The following ANKRD30BL variants were observed in gnomAD, a reference collection of about 807,000 sequenced individuals.
ANKRD30BL encodes the protein ankyrin repeat domain 30B like, also known as putative ankyrin repeat domain-containing protein 30B-like.
A neutral mutation model predicts 18.4 loss-of-function variants in ANKRD30BL; 20 were observed. That is an observed-to-expected ratio of 1.09 (90% CI 0.77 to 1.58). The LOEUF (loss-of-function observed/expected upper bound fraction) is 1.58. ANKRD30BL is among the 40% of genes most tolerant of loss of function. The pLI is 0.00. For missense variants in ANKRD30BL, 224 were observed against 268.6 expected, an observed-to-expected ratio of 0.83 and a Z score of 1.16; for synonymous variants, 72 against 100.9, an observed-to-expected ratio of 0.71 and a Z score of 1.72.
intron 1 of ANKRD30BL, among the ~76,000 whole-genome samples, chr2:132,205,294 A>G (rs930318998): frequency 6.6e-6 from 1 of 152,030 alleles, no homozygotes; most frequent in Admixed American, 6.6e-5. Flanking sequence ...ACGTGAAAAA[A>G]CTAGGCAGCA....
At chr2:132,247,239 C>A (rs1371124398) in intron 1 of ANKRD30BL, among the ~76,000 whole-genome samples, 2 of 151,736 alleles carry the variant, frequency 1.3e-5, no homozygotes, top group South Asian at 2.1e-4. Flanking sequence ...TTTCATGGAG[C>A]AGTTTTGAAA....
intron 1 of ANKRD30BL, among the ~76,000 whole-genome samples, chr2:132,207,196 A>T (rs373108998): frequency 6.6e-6 from 1 of 151,498 alleles, no homozygotes; most frequent in Non-Finnish European, 1.5e-5. Flanking sequence ...GCCGCTTAAG[A>T]TCATAAATAA....
intron 4 of ANKRD30BL, among the ~76,000 whole-genome samples, chr2:132,151,726 T>C (rs191413994): frequency 3.7e-4 from 57 of 152,262 alleles, no homozygotes; most frequent in African/African-American, 1.3e-3. Context: ...TCTTTGTGGC[T>C]TGTAATTCAG....
chr2:132,223,635 T>C (rs201337156), intron 1 of ANKRD30BL, among the ~76,000 whole-genome samples: 6 of 151,944 alleles, frequency 3.9e-5, no homozygotes, highest in African/African-American at 1.5e-4. Context: ...ACATAAACAC[T>C]AGACAGAAGC....
At chr2:132,160,680 G>A (rs1213624322) in intron 1 of ANKRD30BL, among the ~76,000 whole-genome samples, 1 of 151,640 alleles carries the variant, frequency 6.6e-6, no homozygotes, top group African/African-American at 2.4e-5. Context: ...CACCCACCTC[G>A]GCCTCCCAAA....
At chr2:132,203,044 T>A (rs1679139222) in intron 1 of ANKRD30BL, among the ~76,000 whole-genome samples, 1 of 152,258 alleles carries the variant, frequency 6.6e-6, no homozygotes, top group African/African-American at 2.4e-5. Flanking sequence ...AAATAGCAGA[T>A]TCAATATCAA....
At chr2:132,194,138 G>A (rs1299155617) in intron 1 of ANKRD30BL, among the ~76,000 whole-genome samples, 6 of 151,102 alleles carry the variant, frequency 4.0e-5, no homozygotes, top group Non-Finnish European at 1.5e-5. Context: ...CCCCTCACAC[G>A]ACTGGGCATT....
intron 1 of ANKRD30BL, among the ~76,000 whole-genome samples, chr2:132,256,314 A>AG (rs1366640133): frequency 7.0e-5 from 1 of 14,252 alleles, no homozygotes; most frequent in African/African-American, 2.7e-4. Context: ...GGGTGGTGGG[A>AG]GGGGGGTGGT....
chr2:132,155,863 C>A (rs1490944169), intron 3 of ANKRD30BL: 9 of 147,738 alleles, frequency 6.1e-5, no homozygotes, highest in African/African-American at 2.3e-4. Context: ...CACACCACTG[C>A]ACTCCAGCCT....
chr2:132,214,548 T>C (rs1430837475), intron 1 of ANKRD30BL, among the ~76,000 whole-genome samples: 3 of 151,906 alleles, frequency 2.0e-5, no homozygotes, highest in South Asian at 2.1e-4. Context: ...CTTTGTGATA[T>C]GTGCATTCAT....
intron 1 of ANKRD30BL, among the ~76,000 whole-genome samples, chr2:132,216,750 C>G (rs1441629572): frequency 6.6e-6 from 1 of 152,004 alleles, no homozygotes; most frequent in African/African-American, 2.4e-5. Context: ...TCGGGTACAT[C>G]TTCACATAAA....
intron 1 of ANKRD30BL, among the ~76,000 whole-genome samples, chr2:132,206,535 A>G (rs1679215956): frequency 6.6e-6 from 1 of 152,174 alleles, no homozygotes; most frequent in Non-Finnish European, 1.5e-5. Context: ...TGAGAATTAT[A>G]ATAGTAAACT....
intron 1 of ANKRD30BL, among the ~76,000 whole-genome samples, chr2:132,204,078 G>A (rs1679162407): frequency 2.0e-5 from 3 of 152,214 alleles, no homozygotes; most frequent in African/African-American, 4.8e-5. Flanking sequence ...TTAAATAAGA[G>A]AAGATATAAA....
chr2:132,232,832 G>A (rs561624649), intron 1 of ANKRD30BL, among the ~76,000 whole-genome samples: 1 of 151,930 alleles, frequency 6.6e-6, no homozygotes, highest in African/African-American at 2.4e-5. Context: ...GAAATACAGA[G>A]AATGCCACAA....
chr2:132,195,556 TGA>T (rs1374895930), intron 1 of ANKRD30BL, among the ~76,000 whole-genome samples: 4 of 151,690 alleles, frequency 2.6e-5, no homozygotes, highest in Non-Finnish European at 5.9e-5. Flanking sequence ...CTTGGGAGGC[TGA>T]GATGGGTAAA....
intron 1 of ANKRD30BL, among the ~76,000 whole-genome samples, chr2:132,242,552 A>G (rs1221898602): frequency 6.6e-6 from 1 of 151,538 alleles, no homozygotes; most frequent in Admixed American, 6.6e-5. Flanking sequence ...TCCATTAAAA[A>G]CTAGACAGAA....
chr2:132,177,317 C>A (rs1373729326), intron 1 of ANKRD30BL, among the ~76,000 whole-genome samples: 1 of 152,124 alleles, frequency 6.6e-6, no homozygotes, highest in Non-Finnish European at 1.5e-5. Context: ...CCATGCCCAG[C>A]TAATTTTTGT....
At chr2:132,251,874 G>A (rs1680657739) in intron 1 of ANKRD30BL, among the ~76,000 whole-genome samples, 1 of 152,340 alleles carries the variant, frequency 6.6e-6, no homozygotes, top group South Asian at 2.1e-4. Flanking sequence ...AGCCTTTAAT[G>A]TGACGCCTGG....
rs552918108 is a variant in ANKRD30BL at position 132,188,181 on chromosome 2, G to C, written n.442-31035C>G. Among the ~76,000 whole-genome samples, 4 of 151,524 alleles carry C rather than the reference G, an allele frequency of 2.6e-5. No homozygotes were observed. The South Asian group carries it at 8.4e-4, about 32-fold the overall frequency. On this transcript the variant is annotated intron_variant and non_coding_transcript_variant, in intron 1 of 4. Transcript: ENST00000470729. ...AGAATAGTATCTCTTTAGACGCAGAGGCATACTGTGAGCATCTACACCATG... is the reference window on the plus strand; with the variant it reads ...AGAATAGTATCTCTTTAGACGCAGACGCATACTGTGAGCATCTACACCATG...
Sources: gnomAD v4.1 joint callset for allele counts (sites outside exome capture counted in the v4.1 genomes callset) on GRCh38, gnomAD v4.1.1 for gene constraint, MANE v1.5 for transcripts, NCBI Gene and HGNC (gene_info 2026-07-23, HGNC 2026-07-21) for gene names.